RGS6: variants seen among roughly 807,000 people sequenced by gnomAD.
RGS6 encodes regulator of G protein signaling 6, also known as regulator of G-protein signaling 6.
Under a neutral mutation model 78.5 loss-of-function variants are expected in RGS6, and 30 were observed. That is an observed-to-expected ratio of 0.38 (90% CI 0.29 to 0.52). The LOEUF (loss-of-function observed/expected upper bound fraction) is 0.52. RGS6 is among the 20% of genes least tolerant of loss of function. The pLI is 0.85. For missense variants in RGS6, 495 were observed against 609.7 expected, an observed-to-expected ratio of 0.81 and a Z score of 1.98; for synonymous variants, 206 against 206.0, an observed-to-expected ratio of 1.00 and a Z score of 0.00.
rs1251867965 is a variant in RGS6 at position 72,224,307 on chromosome 14, A to G, written c.85-127788A>G. 3.9e-5 allele frequency among the ~76,000 whole-genome samples: 6 copies of G among 152,004 alleles called. No individual in the cohort carries two copies. The East Asian group carries it at 7.7e-4, about 20-fold the overall frequency. On this transcript the variant is annotated intron_variant, in intron 2 of 17. Coordinates refer to ENST00000553525, the MANE Select transcript of RGS6 (RefSeq NM_001204424.2). ...TGGTGGCATGCACCCAGTCTCAGCT[A>G]CTCAAGAGGTTGAGGTGGGAGGATG...
In RGS6 at chr14:72,470,879, CAAAAAAAAA is replaced by C. The variant is rs34084675; in HGVS notation, c.536+806_536+814del. On this transcript the variant is annotated intron_variant, in intron 8 of 17. Coordinates refer to ENST00000553525, the MANE Select transcript of RGS6 (RefSeq NM_001204424.2). ...GGGCAACAAGAGCAAAACTCCCTCT[CAAAAAAAAA>C]AAAAAAAAACAAGATTATAGGGCGT... 2.0e-4 allele frequency among the ~76,000 whole-genome samples: 23 copies of C among 112,526 alleles called. 1 individual carries two copies. The South Asian group carries it at 6.9e-3, about 34-fold the overall frequency. 73.8% of individuals were successfully genotyped at this position (112,526 alleles called of 152,430 possible).
In RGS6 at chr14:72,454,584, T is replaced by C. The variant is rs999383083; in HGVS notation, c.235+6T>C. The C allele has an allele frequency of 9.9e-6, 16 of 1,613,246 alleles. No homozygotes were observed. Among genetic ancestry groups the C allele is most frequent in the Non-Finnish European group, 1.4e-5 (16 of 1,179,326 alleles). On this transcript the variant is annotated splice_donor_region_variant and intron_variant, in intron 4 of 17. Coordinates refer to ENST00000553525, the MANE Select transcript of RGS6 (RefSeq NM_001204424.2). ...CCTTTCCATTGAGGACCCAGGTACT[T>C]GACCTTTGACCCCACCCTTATCTCC... is the stretch of plus-strand genomic sequence containing the variant.
chr14:71,870,375 G>C, the RGS6 span, among the ~76,000 whole-genome samples: 2 of 152,156 alleles, frequency 1.3e-5, no homozygotes, highest in African/African-American at 4.8e-5. Flanking sequence ...CTCCTTATGA[G>C]ATACCCAGTG....
chr14:71,987,742 A>T (rs2094780136), intron 2 of RGS6, among the ~76,000 whole-genome samples: 1 of 152,052 alleles, frequency 6.6e-6, no homozygotes, highest in South Asian at 2.1e-4. Flanking sequence ...GCTGGGCTTG[A>T]ACTCCTGGGC....
At chr14:71,948,049 C>A (rs1000917232) in intron 1 of RGS6, among the ~76,000 whole-genome samples, 9 of 152,094 alleles carry the variant, frequency 5.9e-5, no homozygotes, top group Non-Finnish European at 1.2e-4. Context: ...TTTATCTGAC[C>A]ACATAATCTG....
chr14:72,549,239 G>GTTTTTTTTTT (rs1224321539), intron 17 of RGS6, among the ~76,000 whole-genome samples: 2 of 146,464 alleles, frequency 1.4e-5, no homozygotes, highest in South Asian at 2.3e-4. Flanking sequence ...CTTCTTTTCT[G>GTTTTTTTTTT]TTTTTTGTTT....
At chr14:72,405,945 G>GT (rs1284678865) in intron 3 of RGS6, among the ~76,000 whole-genome samples, 5 of 152,220 alleles carry the variant, frequency 3.3e-5, no homozygotes, top group African/African-American at 1.2e-4. Context: ...GATGACCCGC[G>GT]TATTTCCAAG....
intron 3 of RGS6, among the ~76,000 whole-genome samples, chr14:72,416,375 C>T (rs192635540): frequency 9.2e-5 from 14 of 152,274 alleles, no homozygotes; most frequent in African/African-American, 3.1e-4. Context: ...CTGCTTTCAG[C>T]TCTGAATGAG....
At chr14:72,614,669 C>T in the RGS6 span, among the ~76,000 whole-genome samples, 2 of 150,388 alleles carry the variant, frequency 1.3e-5, no homozygotes, top group African/African-American at 4.9e-5. Flanking sequence ...AACCAACGGG[C>T]GGCCTCAAGA....
At chr14:71,919,926 G>A in the RGS6 span, among the ~76,000 whole-genome samples, 3 of 152,088 alleles carry the variant, frequency 2.0e-5, no homozygotes, top group African/African-American at 4.8e-5. Context: ...CCCAGGAGGT[G>A]GAGGTCGCAG....
At chr14:71,922,387 T>G in the RGS6 span, among the ~76,000 whole-genome samples, 1 of 152,156 alleles carries the variant, frequency 6.6e-6, no homozygotes, top group East Asian at 1.9e-4. Context: ...CCTTACTGTC[T>G]CTCCCCTGTG....
chr14:72,062,377 G>A (rs904800679), intron 2 of RGS6, among the ~76,000 whole-genome samples: 41 of 152,304 alleles, frequency 2.7e-4, no homozygotes, highest in African/African-American at 8.4e-4. Flanking sequence ...GGCCTGCCCT[G>A]CCTCTGATGA....
chr14:72,488,432 T>C (rs1346291834), intron 12 of RGS6, among the ~76,000 whole-genome samples: 2 of 152,246 alleles, frequency 1.3e-5, no homozygotes, highest in East Asian at 1.9e-4. Flanking sequence ...CCTTGGGCTC[T>C]CAACCACATT....
At chr14:72,355,198 CTT>C (rs374468114) in intron 3 of RGS6, among the ~76,000 whole-genome samples, 6 of 142,686 alleles carry the variant, frequency 4.2e-5, no homozygotes, top group Admixed American at 7.0e-5. Flanking sequence ...TCCTCTGGTT[CTT>C]TTTTTTTTTT....
chr14:71,916,204 T>C, the RGS6 span, among the ~76,000 whole-genome samples: 33 of 152,310 alleles, frequency 2.2e-4, no homozygotes, highest in African/African-American at 7.5e-4. Context: ...GTGCTGCTTA[T>C]GACTTGGAAG....
intron 2 of RGS6, among the ~76,000 whole-genome samples, chr14:71,967,987 A>G (rs1202118072): frequency 6.6e-6 from 1 of 152,176 alleles, no homozygotes; most frequent in African/African-American, 2.4e-5. Flanking sequence ...ATTGACTTGA[A>G]CAGACTTTCT....
intron 2 of RGS6, among the ~76,000 whole-genome samples, chr14:72,238,381 G>C (rs1297012137): frequency 6.6e-6 from 1 of 152,154 alleles, no homozygotes; most frequent in Non-Finnish European, 1.5e-5. Context: ...CCTTTGCCAG[G>C]AAACTGCCCT....
At chr14:72,545,369 CTG>C (rs1160445479) in intron 17 of RGS6, among the ~76,000 whole-genome samples, 2 of 152,258 alleles carry the variant, frequency 1.3e-5, no homozygotes, top group African/African-American at 4.8e-5. Context: ...TCCTGGGACT[CTG>C]AGACACCTCA....
chr14:72,036,837 T>A (rs762126502), intron 2 of RGS6, among the ~76,000 whole-genome samples: 3 of 152,188 alleles, frequency 2.0e-5, no homozygotes, highest in Non-Finnish European at 4.4e-5. Context: ...TGGTGTGATT[T>A]ATTTTTTCTG....
Sources: gnomAD v4.1 joint callset for allele counts (sites outside exome capture counted in the v4.1 genomes callset) on GRCh38, gnomAD v4.1.1 for gene constraint, MANE v1.5 for transcripts, NCBI Gene and HGNC (gene_info 2026-07-23, HGNC 2026-07-21) for gene names.